Variants in LCT observed in about 807,000 individuals in gnomAD.
LCT encodes the protein lactase/phlorizin hydrolase.
LCT carries 90 observed loss-of-function variants against 173.0 expected under a neutral mutation model. The ratio of observed to expected loss-of-function variants is 0.52; its 90% CI spans 0.44 to 0.62. The LOEUF is 0.62. LCT is among the 20% of genes least tolerant of loss of function. LCT has a pLI of 0.00. For missense variants in LCT, 1,864 were observed against 2,431.4 expected, an observed-to-expected ratio of 0.77 and a Z score of 4.91; for synonymous variants, 853 against 957.6, an observed-to-expected ratio of 0.89 and a Z score of 2.02.
Position 135,807,386 on chromosome 2 carries a change from G to A in LCT, c.3915C>T (p.Leu1305=), listed in dbSNP as rs199509343. 70 of 1,614,048 alleles carry A rather than the reference G, an allele frequency of 4.3e-5. No homozygotes were observed. The East Asian group carries it at 1.4e-3, about 31-fold the overall frequency. The change falls in exon 9 of 17, where the codon CTC becomes CTT. Residue 1305 remains leucine, a synonymous_variant. Transcript: ENST00000264162. ...CATACCCTCGAAGGTCTATACCATC[G>A]AGCCTGTAGGCTGGGAACATCCCAA... ...YINEALKAYR[L]DGIDLRGYVA...
chr2:135,796,073 A>T (rs372815856), intron 13 of LCT, among the ~76,000 whole-genome samples: 2 of 152,164 alleles, frequency 1.3e-5, no homozygotes, highest in Non-Finnish European at 2.9e-5. Flanking sequence ...TAACCTGTAG[A>T]TGGAGCATTT....
chr2:135,795,811 A>G (rs968818401), intron 13 of LCT, among the ~76,000 whole-genome samples: 1 of 151,482 alleles, frequency 6.6e-6, no homozygotes, highest in Non-Finnish European at 1.5e-5. Flanking sequence ...CTGAGGCTGG[A>G]GTGCAGTGGT....
intron 3 of LCT, among the ~76,000 whole-genome samples, chr2:135,827,544 A>T (rs532900842): frequency 6.6e-6 from 1 of 152,198 alleles, no homozygotes; most frequent in East Asian, 1.9e-4. Context: ...CGTGGAAGAC[A>T]ATTTTTCCAC....
chr2:135,797,473 C>T (rs2077591783), intron 13 of LCT, among the ~76,000 whole-genome samples: 2 of 152,194 alleles, frequency 1.3e-5, no homozygotes. Flanking sequence ...GACAGCTTGG[C>T]TGCAAATCTC....
chr2:135,832,997 T>C (rs1481496647), intron 2 of LCT, 114 bp downstream of exon 2: 17 of 828,190 alleles, frequency 2.1e-5, no homozygotes, highest in African/African-American at 3.3e-5. Flanking sequence ...ACACCACTCA[T>C]TCTGAGGCAT....
Position 135,812,824 on chromosome 2 carries a change from G to T in LCT, c.1840C>A (p.Pro614Thr). 6.2e-7 allele frequency: 1 copy of T among 1,614,206 alleles called. No homozygotes were observed. The highest frequency in any genetic ancestry group is 1.1e-5 in the South Asian group (1 of 91,082). Residue 614 changes from proline to threonine, a missense_variant, in exon 7 of 17, where the codon CCT (proline) becomes ACT (threonine). Coordinates refer to ENST00000264162, the MANE Select transcript of LCT (RefSeq NM_002299.4). ...DWAEPLSPERPEDLRASERFL... is the reference protein window; with the variant it reads ...DWAEPLSPERTEDLRASERFL... ...CGCTCAGAGGCTCTCAGGTCCTCAG[G>T]CCTCTCTGGAGACAGGGGTTCTGCC...
intron 2 of LCT, among the ~76,000 whole-genome samples, chr2:135,831,708 G>A (rs9636213): frequency 0.7 from 106,484 of 151,950 alleles, 39,505 homozygotes; most frequent in Non-Finnish European, 0.83. Flanking sequence ...TGGTTCCATC[G>A]TGTTTGAAAT....
Position 135,808,625 on chromosome 2 carries a change from G to A in LCT, c.3722C>T (p.Pro1241Leu). The change falls in exon 8 of 17, where the codon CCT becomes CTT. Residue 1241 changes from proline (P) to leucine (L), a missense_variant. Around this residue, in one of 4 missense-constraint regions of LCT, gnomAD observed 755 missense variants for 926.3 expected, o/e 0.82. Coordinates refer to ENST00000264162, the MANE Select transcript of LCT (RefSeq NM_002299.4). ...EMAEEEDPSW[P>L]STAMNRAAPW... is the part of the protein sequence containing the mutation. ...CGCAGCTCTGTTCATTGCCGTGGAA[G>A]GCCACGAAGGGTCCTCCTCCTCAGC... 4 of 1,614,242 alleles carry A rather than the reference G, an allele frequency of 2.5e-6. No homozygotes were observed. Among genetic ancestry groups the A allele is most frequent in the Non-Finnish European group, 2.5e-6 (3 of 1,180,048 alleles).
intron 11 of LCT, among the ~76,000 whole-genome samples, chr2:135,803,105 C>G (rs893696403): frequency 6.6e-6 from 1 of 151,904 alleles, no homozygotes; most frequent in African/African-American, 2.4e-5. Flanking sequence ...GAGCTAGACT[C>G]TGTCTCAAAA....
rs1575352209 is a variant in LCT at position 135,835,760 on chromosome 2, T to C, written c.640+770A>G. ...TGTGCTCTCCTCATCCTGTGATATA[T>C]AATTGTTTCATCTTGTATTTGTCTG... On this transcript the variant is annotated intron_variant, in intron 1 of 16. Transcript: ENST00000264162. Among the ~76,000 whole-genome samples, 2 of 149,614 alleles carry C rather than the reference T, an allele frequency of 1.3e-5. 1 individual carries two copies. Among genetic ancestry groups the C allele is most frequent in the East Asian group, 3.9e-4 (2 of 5,096 alleles).
At chr2:135,833,013 G>T in intron 2 of LCT, 98 bp downstream of exon 2, 2 of 912,230 alleles carry the variant, frequency 2.2e-6, no homozygotes, top group Non-Finnish European at 3.7e-6. Context: ...GGCATTTACA[G>T]AAATGTCAAA....
intron 5 of LCT, among the ~76,000 whole-genome samples, chr2:135,818,495 A>G (rs2077799373): frequency 6.6e-6 from 1 of 152,208 alleles, no homozygotes; most frequent in Admixed American, 6.5e-5. Flanking sequence ...AATTTATGAG[A>G]TGGGTACTAC....
At position 135,833,113 on chromosome 2, in the gene LCT, G is replaced by A; in HGVS notation, c.718C>T (p.Gln240Ter). 6.2e-7 allele frequency: 1 copy of A among 1,612,012 alleles called. No homozygotes were observed. Among genetic ancestry groups the A allele is most frequent in the Non-Finnish European group, 8.5e-7 (1 of 1,178,218 alleles). The change falls in exon 2 of 17, where the codon CAG becomes TAG. Residue 240 changes from glutamine to a stop codon, truncating the protein, a stop_gained and splice_region_variant. Transcript: ENST00000264162. LOFTEE classifies it high-confidence loss of function. ...LLEPPISALAQDTVDFLSLDL... is the reference protein window; with the variant it reads ...LLEPPISALA ...GTATATTTTTGGGCTGCTGTCACCT[G>A]GGCAAGCGCAGATATGGGTGGTTCT...
At chr2:135,836,234 G>A (rs948922223) in intron 1 of LCT, among the ~76,000 whole-genome samples, 1 of 151,834 alleles carries the variant, frequency 6.6e-6, no homozygotes, top group Non-Finnish European at 1.5e-5. Context: ...GGCCAGGCTG[G>A]TCTCGAACTC....
At chr2:135,794,829 A>C (rs1167426138) in intron 13 of LCT, 54 bp from the exon 14 acceptor site, 2 of 1,609,256 alleles carry the variant, frequency 1.2e-6, no homozygotes, top group Non-Finnish European at 1.7e-6. Context: ...ATGCTTTGAG[A>C]AGAGAACGTC....
rs778443461 is a variant in LCT at position 135,803,946 on chromosome 2, G to A, written c.4647C>T (p.Tyr1549=). ...GGGACTTACCTGGAGCTGCTGTTCC[G>A]TAGCCATAGCCCTGGTAAGCAATGA... ...PFVIAYQGYG[Y]GTAAPGVSNR... Residue 1549 remains tyrosine (Y), a synonymous_variant, in exon 11 of 17, where the codon TAC becomes TAT. Transcript: ENST00000264162. 7.4e-5 allele frequency: 119 copies of A among 1,613,760 alleles called. No homozygotes were observed. The East Asian group carries it at 1.5e-3, about 20-fold the overall frequency.
intron 13 of LCT, among the ~76,000 whole-genome samples, chr2:135,797,234 C>G (rs967436841): frequency 6.6e-6 from 1 of 152,150 alleles, no homozygotes; most frequent in Non-Finnish European, 1.5e-5. Flanking sequence ...AGGTGTGAGC[C>G]ACCGCACCCG....
chr2:135,802,611 C>G (rs2077635942), intron 11 of LCT, among the ~76,000 whole-genome samples: 1 of 152,140 alleles, frequency 6.6e-6, no homozygotes, highest in Admixed American at 6.6e-5. Context: ...AAGTCAGGCA[C>G]AGAAAGGCAA....
chr2:135,794,624 C>T lies in LCT; in HGVS notation c.5111+17G>A, dbSNP rs1357543059. On this transcript the variant is annotated intron_variant, in intron 14 of 16. Transcript: ENST00000264162. ...CTTTTCCAGAGATGGCTCCGGGCTCCCTGTTGGTGGACTTACCTGTCTGCA... is the reference window on the plus strand; with the variant it reads ...CTTTTCCAGAGATGGCTCCGGGCTCTCTGTTGGTGGACTTACCTGTCTGCA... The T allele has an allele frequency of 8.1e-6, 13 of 1,613,436 alleles. No homozygotes were observed. Among genetic ancestry groups the T allele is most frequent in the Middle Eastern group, 1.7e-4 (1 of 5,816 alleles).
Sources: allele counts gnomAD v4.1 joint callset (sites outside exome capture counted in the v4.1 genomes callset), GRCh38; gene constraint gnomAD v4.1.1; regional missense constraint gnomAD v4.1.1; transcripts MANE v1.5; gene names NCBI Gene and HGNC (gene_info 2026-07-23, HGNC 2026-07-21).